CLEC4M: variants seen among roughly 807,000 people sequenced by gnomAD.
The protein encoded by CLEC4M is C-type lectin domain family 4 member M.
A neutral mutation model predicts 39.1 loss-of-function variants in CLEC4M; 25 were observed. The ratio of observed to expected loss-of-function variants is 0.64; its 90% CI spans 0.47 to 0.89. The LOEUF is 0.89. Among genes scored for constraint, CLEC4M ranks in the 40% least tolerant of loss-of-function variants. The pLI is 0.00. For synonymous variants in CLEC4M, 155 were observed against 177.4 expected, an observed-to-expected ratio of 0.87 and a Z score of 1.00; for missense variants, 353 against 431.4, an observed-to-expected ratio of 0.82 and a Z score of 1.61.
At chr19:7,763,556 C>A in intron 2 of CLEC4M, 80 bp downstream of exon 2, 2 of 1,204,616 alleles carry the variant, frequency 1.7e-6, no homozygotes, top group South Asian at 1.3e-5. Context: ...GTGTTGGGGT[C>A]TGGAATCCTG....
In CLEC4M at chr19:7,765,505, T is replaced by A. The variant is rs2146351653; in HGVS notation, c.215-133T>A. 12 of 1,427,440 alleles carry A rather than the reference T, an allele frequency of 8.4e-6. No individual in the cohort carries two copies. The South Asian group carries it at 1.7e-4, about 20-fold the overall frequency. 88.4% of individuals were successfully genotyped at this position (1,427,440 alleles called of 1,614,324 possible). A position where few individuals can be genotyped will look rare whatever the true frequency, so the allele number is the denominator to read the frequency against. ...CCTTCTGTGCTGCCTTCTCCAGGTG[T>A]CAGTTTTCCTCATCTTCAAAGGGGA... On this transcript the variant is annotated intron_variant, in intron 3 of 6. Coordinates refer to ENST00000327325, the MANE Select transcript of CLEC4M (RefSeq NM_014257.5).
chr19:7,766,448 G>A, intron 4 of CLEC4M: 1 of 1,451,238 alleles, frequency 6.9e-7, no homozygotes, highest in Non-Finnish European at 9.0e-7. Flanking sequence ...CAGTCTGGAA[G>A]AGATGGAGCC....
In CLEC4M at chr19:7,769,099, T is replaced by C; in HGVS notation, c.*111T>C. ...GACCTTCACAAATGCCCTGAGACGG[T>C]TCTCTGTTCGATTTTTCATCCCCTA... On this transcript the variant is annotated 3_prime_UTR_variant, in exon 7 of 7. Transcript: ENST00000327325. 1 of 1,120,436 alleles carries C rather than the reference T, an allele frequency of 8.9e-7. No individual in the cohort carries two copies. Among genetic ancestry groups the C allele is most frequent in the Non-Finnish European group, 1.3e-6 (1 of 787,352 alleles). 69.4% of individuals were successfully genotyped at this position (1,120,436 alleles called of 1,614,324 possible). A position where few individuals can be genotyped will look rare whatever the true frequency, so the allele number is the denominator to read the frequency against.
chr19:7,766,129 G>A lies in CLEC4M; in HGVS notation c.706G>A (p.Ala236Thr). 1 of 1,613,842 alleles carries A rather than the reference G, an allele frequency of 6.2e-7. No individual in the cohort carries two copies. Among genetic ancestry groups the A allele is most frequent in the Non-Finnish European group, 8.5e-7 (1 of 1,179,876 alleles). The change falls in exon 4 of 7, where the codon GCT (alanine) becomes ACT (threonine). Residue 236 changes from alanine to threonine, a missense_variant. Ala to Thr is a moderately conservative substitution (Grantham distance 58, BLOSUM62 0). This residue lies in a region of CLEC4M where 196 missense variants were observed against 211.7 expected (regional missense o/e 0.93). Transcript: ENST00000327325. Reference protein sequence around the residue: ...EIYQELTQLKAAVGELPDQSK... With the variant: ...EIYQELTQLKTAVGELPDQSK... ...CTACCAGGAGCTGACCCAGCTGAAG[G>A]CTGCAGTGGGTGAGTTGCCAGACCA... is the stretch of plus-strand genomic sequence containing the variant.
At chr19:7,763,624 A>T in intron 2 of CLEC4M, 148 bp downstream of exon 2, 2 of 581,218 alleles carry the variant, frequency 3.4e-6, no homozygotes, top group African/African-American at 1.9e-5. Flanking sequence ...AGGACGGGGT[A>T]GGGATCTGAA....
chr19:7,765,376 T>C (rs368204062), intron 3 of CLEC4M, 108 bp downstream of exon 3: 2 of 1,323,532 alleles, frequency 1.5e-6, no homozygotes, highest in Non-Finnish European at 1.1e-6. Context: ...AGAGCCAAGA[T>C]GTTGTCCCTG....
At position 7,769,058 on chromosome 19, in the gene CLEC4M, C is replaced by A; in HGVS notation, c.*70C>A. ...TTCACCCACTTGTAAGCCAGCGCTT[C>A]TTCTCTCCATCCTTGGACCTTCACA... On this transcript the variant is annotated 3_prime_UTR_variant, in exon 7 of 7. Transcript: ENST00000327325. 6.7e-7 allele frequency: 1 copy of A among 1,488,216 alleles called. No individual in the cohort carries two copies. Among genetic ancestry groups the A allele is most frequent in the Non-Finnish European group, 9.2e-7 (1 of 1,091,922 alleles). The allele number at this position is 1,488,216 out of a possible 1,614,324, so 92.2% of individuals were successfully genotyped here. A position where few individuals can be genotyped will look rare whatever the true frequency, so the allele number is the denominator to read the frequency against.
At chr19:7,764,006 T>C (rs993397328) in intron 2 of CLEC4M, among the ~76,000 whole-genome samples, 6 of 151,778 alleles carry the variant, frequency 4.0e-5, no homozygotes, top group Non-Finnish European at 8.8e-5. Context: ...TGGGCCTGGG[T>C]TCCTCCTGGG....
In CLEC4M at chr19:7,767,985, C is replaced by G. The variant is rs573205765; in HGVS notation, c.1049+357C>G. 70 of 180,682 alleles carry G rather than the reference C, an allele frequency of 3.9e-4. 1 individual carries two copies. In the South Asian group the frequency reaches 4.7e-3, roughly 12 times the overall value. 11.2% of individuals were successfully genotyped at this position (180,682 alleles called of 1,614,324 possible). On this transcript the variant is annotated intron_variant, in intron 6 of 6. Transcript: ENST00000327325. ...AGGTTCCTAGAGGGCGCACATTTCACAGCAGGGGGCCGCTGGGGAAGCAGC... is the reference window on the plus strand; with the variant it reads ...AGGTTCCTAGAGGGCGCACATTTCAGAGCAGGGGGCCGCTGGGGAAGCAGC...
rs1340166558 is a variant in CLEC4M, at chr19:7,768,921, A to G, written c.1133A>G (p.Asp378Gly). 3 of 1,614,194 alleles carry G rather than the reference A, an allele frequency of 1.9e-6. No homozygotes were observed. Among genetic ancestry groups the G allele is most frequent in the Non-Finnish European group, 2.5e-6 (3 of 1,180,020 alleles). The change falls in exon 7 of 7, where the codon GAC becomes GGC. Residue 378 changes from aspartate to glycine, a missense_variant. Physicochemically the swap from Asp to Gly is moderately conservative, Grantham distance 94. This residue lies in a region of CLEC4M where 196 missense variants were observed against 211.7 expected (regional missense o/e 0.93). Coordinates refer to ENST00000327325, the MANE Select transcript of CLEC4M (RefSeq NM_014257.5). ...GAATTTAGTGGCAGTGGCTGGAACG[A>G]CAATCGATGTGACGTTGACAATTAC... is the stretch of plus-strand genomic sequence containing the variant. Reference protein sequence around the residue: ...CAEFSGSGWNDNRCDVDNYWI... With the variant: ...CAEFSGSGWNGNRCDVDNYWI...
At chr19:7,764,254 C>T (rs763298305) in intron 2 of CLEC4M, among the ~76,000 whole-genome samples, 4 of 151,960 alleles carry the variant, frequency 2.6e-5, no homozygotes, top group Non-Finnish European at 5.9e-5. Context: ...ATTACAGAAG[C>T]GAGAAACAAA....
chr19:7,766,295 TCA>T (rs1471861697), intron 4 of CLEC4M, 88 bp downstream of exon 4: 1 of 1,570,886 alleles, frequency 6.4e-7, no homozygotes, highest in South Asian at 1.2e-5. Context: ...TGCCTGAGCC[TCA>T]GTTTCCTCCC....
intron 3 of CLEC4M, 22 bp downstream of exon 3, chr19:7,765,290 T>C: frequency 9.3e-6 from 15 of 1,613,088 alleles, no homozygotes; most frequent in Non-Finnish European, 1.3e-5. Flanking sequence ...GTTCTGAGGG[T>C]CTGGGGTCCC....
intron 2 of CLEC4M, 113 bp downstream of exon 2, chr19:7,763,589 A>G: frequency 7.1e-6 from 6 of 846,572 alleles, no homozygotes; most frequent in Non-Finnish European, 1.1e-5. Context: ...GGAAGGTCTG[A>G]GACCTGGGTT....
At position 7,767,533 on chromosome 19, in the gene CLEC4M, G is replaced by A; in HGVS notation, c.954G>A (p.Gln318=). 6.2e-7 allele frequency: 1 copy of A among 1,614,182 alleles called. No homozygotes were observed. Among genetic ancestry groups the A allele is most frequent in the South Asian group, 1.1e-5 (1 of 91,082 alleles). The change falls in exon 6 of 7, where the codon CAG becomes CAA. Residue 318 remains glutamine, a synonymous_variant. Coordinates refer to ENST00000327325, the MANE Select transcript of CLEC4M (RefSeq NM_014257.5). ...TAEEQNFLQL[Q]TSRSNRFSWM... ...CCCTCCAGAACTTCCTACAGCTGCA[G>A]ACTTCCAGGAGTAACCGCTTCTCCT... is the stretch of plus-strand genomic sequence containing the variant.
At chr19:7,768,056 GC>G (rs1220980225) in intron 6 of CLEC4M, 1 of 162,132 alleles carries the variant, frequency 6.2e-6, no homozygotes. Context: ...GTGGGCCAGA[GC>G]TTTTATTATG....
chr19:7,766,524 C>T lies in CLEC4M; in HGVS notation c.785-132C>T. On this transcript the variant is annotated intron_variant, in intron 4 of 6. Coordinates refer to ENST00000327325, the MANE Select transcript of CLEC4M (RefSeq NM_014257.5). ...GAAGTAGGGAGAGGAATGGTCTCTC[C>T]CCATTCCAAGCGGTCCACCCAACAT... 4.6e-6 allele frequency: 7 copies of T among 1,531,700 alleles called. No individual in the cohort carries two copies. In the Admixed American group the frequency reaches 8.1e-5, roughly 18 times the overall value. The allele number at this position is 1,531,700 out of a possible 1,614,324, so 94.9% of individuals were successfully genotyped here. A position where few individuals can be genotyped will look rare whatever the true frequency, so the allele number is the denominator to read the frequency against.
chr19:7,767,734 A>C (rs2034343126), intron 6 of CLEC4M, 106 bp downstream of exon 6: 3 of 910,160 alleles, frequency 3.3e-6, no homozygotes, highest in Admixed American at 4.2e-5. Context: ...ACCCCATAGG[A>C]CTAAGAGTCT....
In CLEC4M at chr19:7,766,744, C is replaced by T; in HGVS notation, c.873C>T (p.Asp291=). 1.9e-6 allele frequency: 3 copies of T among 1,614,222 alleles called. No homozygotes were observed. Among genetic ancestry groups the T allele is most frequent in the Non-Finnish European group, 2.5e-6 (3 of 1,180,034 alleles). Residue 291 remains aspartate (D), a synonymous_variant, in exon 5 of 7, where the codon GAC becomes GAT. Coordinates refer to ENST00000327325, the MANE Select transcript of CLEC4M (RefSeq NM_014257.5). The part of the protein sequence containing the change: ...FMSNSQRNWH[D]SVTACQEVRA... ...CTAACTCCCAGCGGAACTGGCACGA[C>T]TCCGTCACCGCCTGCCAGGAAGTGA...
Sources: gnomAD v4.1 joint callset for allele counts (sites outside exome capture counted in the v4.1 genomes callset) on GRCh38, gnomAD v4.1.1 for gene constraint, gnomAD v4.1.1 regional missense constraint, MANE v1.5 for transcripts, NCBI Gene and HGNC (gene_info 2026-07-23, HGNC 2026-07-21) for gene names.